The following TBC1D25 variants were observed in gnomAD, a reference collection of about 807,000 sequenced individuals.
TBC1D25 encodes the protein 5SN3 snoRNA.
Under a neutral mutation model 38.8 loss-of-function variants are expected in TBC1D25, and 13 were observed. That is an observed-to-expected ratio of 0.34 (90% confidence interval 0.22 to 0.53). The LOEUF (loss-of-function observed/expected upper bound fraction) is 0.53. TBC1D25 is among the 20% of genes least tolerant of loss of function. TBC1D25 has a pLI of 0.94. For missense variants in TBC1D25, 372 were observed against 600.0 expected (o/e 0.62, Z 3.97); for synonymous variants, 225 against 255.6 (o/e 0.88, Z 1.14).
chrX:48,547,816 T>C (rs1556982227), intron 3 of TBC1D25, among the ~76,000 whole-genome samples: 1 of 108,276 alleles, frequency 9.2e-6, no homozygotes, highest in Non-Finnish European at 1.9e-5. Context: ...TAGGCGCCTG[T>C]AATCCCAGCT....
intron 2 of TBC1D25, 104 bp from the exon 3 acceptor site, chrX:48,544,755 ATAGTAGGAAG>A: frequency 1.0e-6 from 1 of 959,748 alleles, no homozygotes; most frequent in African/African-American, 1.9e-5. Context: ...TACCTTGCAC[ATAGTAGGAAG>A]TTGTTTTCAA....
intron 3 of TBC1D25, among the ~76,000 whole-genome samples, chrX:48,554,509 G>A (rs1028944781): frequency 9.8e-6 from 1 of 102,011 alleles, no homozygotes; most frequent in Non-Finnish European, 2.0e-5. Flanking sequence ...GCAGTGAGCC[G>A]AGATCATACC....
chrX:48,552,497 G>A (rs1358490389), intron 3 of TBC1D25, among the ~76,000 whole-genome samples: 3 of 109,859 alleles, frequency 2.7e-5, no homozygotes, highest in Non-Finnish European at 3.8e-5. Context: ...GATTACAGGC[G>A]CTCACCATCA....
intron 3 of TBC1D25, among the ~76,000 whole-genome samples, 155 bp from the exon 4 acceptor site, chrX:48,558,742 T>C (rs1431421625): frequency 1.8e-5 from 2 of 111,770 alleles, no homozygotes; most frequent in African/African-American, 6.5e-5. Context: ...CATGGTTTGA[T>C]TTTGTTTTTT....
In TBC1D25 at chrX:48,546,290, G is replaced by C. The variant is rs189967608; in HGVS notation, c.388+1267G>C. Among the ~76,000 whole-genome samples, 364 of 106,645 alleles carry C rather than the reference G, an allele frequency of 3.4e-3. 2 individuals are homozygous for C. The highest frequency in any genetic ancestry group is 0.011 in the African/African-American group (328 of 29,090). 92.6% of individuals were successfully genotyped at this position (106,645 alleles called of 115,157 possible). ...GCAGTTTAGGAGGCCGAGGCGGGCA[G>C]ATCACAAGGTCAGGAGATCGAGACC... On this transcript the variant is annotated intron_variant, in intron 3 of 5. Coordinates refer to ENST00000376771, the MANE Select transcript of TBC1D25 (RefSeq NM_002536.4).
At chrX:48,555,010 T>G (rs1388263056) in intron 3 of TBC1D25, among the ~76,000 whole-genome samples, 6 of 111,413 alleles carry the variant, frequency 5.4e-5, no homozygotes, top group Non-Finnish European at 1.1e-4. Context: ...AGGTGAGAGA[T>G]ATGGTGGCTC....
intron 3 of TBC1D25, among the ~76,000 whole-genome samples, chrX:48,549,992 A>T (rs1329916988): frequency 9.4e-6 from 1 of 106,333 alleles, no homozygotes; most frequent in Non-Finnish European, 1.9e-5. Context: ...TTTTAATTTA[A>T]TTTTTTTTTT....
Position 48,541,863 on chromosome X carries a change from T to G in TBC1D25, c.233+421T>G, listed in dbSNP as rs558257981. Among the ~76,000 whole-genome samples, 45 of 111,673 alleles carry G rather than the reference T, an allele frequency of 4.0e-4. No homozygotes were observed. In the South Asian group the frequency reaches 0.016, roughly 40 times the overall value. ...TTTTCACTTTCAGTACAGTGTTCAA[T>G]AAATTACATGAAATATTCAACACTG... is the stretch of plus-strand genomic sequence containing the variant. On this transcript the variant is annotated intron_variant, in intron 2 of 5. Transcript: ENST00000376771.
At chrX:48,553,352 T>A (rs1386334517) in intron 3 of TBC1D25, among the ~76,000 whole-genome samples, 4 of 109,295 alleles carry the variant, frequency 3.7e-5, no homozygotes, top group Non-Finnish European at 7.6e-5. Context: ...TCAGAGAACT[T>A]CTTTGTTCTC....
intron 3 of TBC1D25, among the ~76,000 whole-genome samples, chrX:48,551,873 G>C: frequency 9.0e-6 from 1 of 110,758 alleles, no homozygotes; most frequent in East Asian, 2.8e-4. Flanking sequence ...GCCCACCTCA[G>C]CCTCCCAAAG....
intron 2 of TBC1D25, among the ~76,000 whole-genome samples, chrX:48,543,030 A>G (rs1300578744): frequency 9.0e-6 from 1 of 111,216 alleles, no homozygotes; most frequent in Non-Finnish European, 1.9e-5. Flanking sequence ...TGCCTAATTT[A>G]TCAATTAAAC....
rs2062029453 is a variant in TBC1D25, at chrX:48,561,790, T to C, written c.*815T>C. The C allele has an allele frequency of 8.9e-6, 1 of 112,674 alleles. No homozygotes were observed. The highest frequency in any genetic ancestry group is 3.2e-5 in the African/African-American group (1 of 31,009). The allele number at this position is 112,674 out of a possible 1,213,427, so 9.3% of individuals were successfully genotyped here. A position where few individuals can be genotyped will look rare whatever the true frequency, so the allele number is the denominator to read the frequency against. On this transcript the variant is annotated 3_prime_UTR_variant, in exon 6 of 6. Coordinates refer to ENST00000376771, the MANE Select transcript of TBC1D25 (RefSeq NM_002536.4). The stretch of plus-strand genomic sequence containing the variant: ...AAAGCCCAATCATCACATTGTTGAA[T>C]TACAAAAGGATCTAGGGCTCCTATT...
intron 3 of TBC1D25, among the ~76,000 whole-genome samples, chrX:48,554,808 T>C (rs1249276596): frequency 1.8e-5 from 2 of 111,952 alleles, no homozygotes; most frequent in Non-Finnish European, 3.8e-5. Context: ...GAACCTTAGC[T>C]CCATGCCTTG....
At position 48,561,984 on chromosome X, in the gene TBC1D25, C is replaced by T. The variant is rs1400402444; in HGVS notation, c.*1009C>T. The T allele has an allele frequency of 8.9e-6, 1 of 112,421 alleles. No individual in the cohort carries two copies. Among genetic ancestry groups the T allele is most frequent in the African/African-American group, 3.2e-5 (1 of 31,001 alleles). The allele number at this position is 112,421 out of a possible 1,213,427, so 9.3% of individuals were successfully genotyped here. On this transcript the variant is annotated 3_prime_UTR_variant, in exon 6 of 6. Coordinates refer to ENST00000376771, the MANE Select transcript of TBC1D25 (RefSeq NM_002536.4). ...GGACAAACAACAAGCACTGATAAAA[C>T]GCAGGCCCTAATAGAATTCACTTCG...
chrX:48,559,673 G>A lies in TBC1D25; in HGVS notation c.765G>A (p.Met255Ile), dbSNP rs1556985455. The stretch of plus-strand genomic sequence containing the variant: ...ATGGACTGACAGGCCGAGAGCGGAT[G>A]GACTACATGAAACGCAAGAGCCGCG... Reference protein sequence around the residue: ...YPDGLTGRERMDYMKRKSREY... With the variant: ...YPDGLTGRERIDYMKRKSREY... Residue 255 changes from methionine to isoleucine, a missense_variant, in exon 6 of 6, where the codon ATG becomes ATA. This residue lies in a region of TBC1D25 where 312 missense variants were observed against 549.3 expected (regional missense o/e 0.57). Coordinates refer to ENST00000376771, the MANE Select transcript of TBC1D25 (RefSeq NM_002536.4). The A allele has an allele frequency of 8.3e-7, 1 of 1,212,069 alleles. No homozygotes were observed. The highest frequency in any genetic ancestry group is 3.0e-5 in the East Asian group (1 of 33,851).
At chrX:48,552,935 G>A (rs1234884925) in intron 3 of TBC1D25, among the ~76,000 whole-genome samples, 1 of 109,262 alleles carries the variant, frequency 9.2e-6, no homozygotes, top group East Asian at 2.9e-4. Context: ...GGTAACAGAA[G>A]CGCACCACCA....
intron 3 of TBC1D25, among the ~76,000 whole-genome samples, chrX:48,555,176 G>A (rs782785186): frequency 1.8e-5 from 2 of 111,512 alleles, no homozygotes; most frequent in African/African-American, 6.5e-5. Flanking sequence ...TTAAACAACT[G>A]AACAGATAGA....
At chrX:48,559,575 C>A in intron 5 of TBC1D25, 39 bp from the exon 6 acceptor site, 2 of 1,187,420 alleles carry the variant, frequency 1.7e-6, no homozygotes, top group Admixed American at 2.3e-5. Flanking sequence ...TATGGTTTAT[C>A]TGGAGAACTC....
At chrX:48,550,571 G>A (rs1233323114) in intron 3 of TBC1D25, among the ~76,000 whole-genome samples, 1 of 109,125 alleles carries the variant, frequency 9.2e-6, no homozygotes, top group African/African-American at 3.3e-5. Context: ...CCGCCTCCCG[G>A]GTTCACGCCA....
Sources: allele counts gnomAD v4.1 joint callset (sites outside exome capture counted in the v4.1 genomes callset), GRCh38; gene constraint gnomAD v4.1.1; regional missense constraint gnomAD v4.1.1; transcripts MANE v1.5; gene names NCBI Gene and HGNC (gene_info 2026-07-23, HGNC 2026-07-21).